The following GSTA2 variants were observed in gnomAD, a reference collection of about 807,000 sequenced individuals.
The protein encoded by GSTA2 is glutathione S-transferase alpha 2.
In GSTA2, 27 loss-of-function variants were observed where a neutral mutation model predicts 22.4. That is an observed-to-expected ratio of 1.21 (90% CI 0.89 to 1.67). The LOEUF (loss-of-function observed/expected upper bound fraction) is 1.67. Among genes scored for constraint, GSTA2 ranks in the 40% most tolerant of loss-of-function variants. GSTA2 has a pLI of 0.00. For missense variants in GSTA2, 302 were observed against 260.2 expected, an observed-to-expected ratio of 1.16 and a Z score of -1.11; for synonymous variants, 121 against 86.8, an observed-to-expected ratio of 1.39 and a Z score of -2.19.
At chr6:52,755,700 T>G (rs774946495) in intron 3 of GSTA2, among the ~76,000 whole-genome samples, 2 of 151,922 alleles carry the variant, frequency 1.3e-5, no homozygotes, top group African/African-American at 4.9e-5. Flanking sequence ...ACAATAGTAC[T>G]GGCAACAAGA....
At chr6:52,762,269 G>A (rs944105441) in intron 1 of GSTA2, among the ~76,000 whole-genome samples, 2 of 152,172 alleles carry the variant, frequency 1.3e-5, no homozygotes, top group African/African-American at 4.8e-5. Flanking sequence ...TGCTGAGGAG[G>A]ATTAGTAAAA....
At chr6:52,754,675 T>C (rs1762807381) in intron 4 of GSTA2, among the ~76,000 whole-genome samples, 2 of 152,262 alleles carry the variant, frequency 1.3e-5, no homozygotes, top group Admixed American at 1.3e-4. Context: ...TCCTCCTCAG[T>C]TCATTGGGTT....
chr6:52,753,824 T>C (rs1163533663), intron 4 of GSTA2, among the ~76,000 whole-genome samples: 1 of 152,230 alleles, frequency 6.6e-6, no homozygotes, highest in Non-Finnish European at 1.5e-5. Flanking sequence ...TGCAGAATTA[T>C]TTTTGTCACC....
At chr6:52,761,774 C>T (rs2749010) in intron 1 of GSTA2, among the ~76,000 whole-genome samples, 111,304 of 150,136 alleles carry the variant, frequency 0.74, 43,066 homozygotes, top group African/African-American at 0.94. Context: ...TTTTGGGTTG[C>T]TATATCTGCA....
intron 1 of GSTA2, among the ~76,000 whole-genome samples, chr6:52,761,793 G>A (rs1581777878): frequency 6.8e-6 from 1 of 147,000 alleles, no homozygotes. Flanking sequence ...CAGAGAGGGA[G>A]GGGGGCTACA....
At chr6:52,761,514 A>C (rs1023640694) in intron 1 of GSTA2, among the ~76,000 whole-genome samples, 2 of 150,932 alleles carry the variant, frequency 1.3e-5, no homozygotes, top group African/African-American at 4.8e-5. Context: ...ATCCAGACTT[A>C]TATCAAATCT....
At position 52,752,137 on chromosome 6, in the gene GSTA2, C is replaced by A. The variant is rs975225786; in HGVS notation, c.415-429G>T. Among the ~76,000 whole-genome samples the A allele has an allele frequency of 6.6e-5, 10 of 152,306 alleles. 1 individual carries two copies. In the Middle Eastern group the frequency reaches 0.014, roughly 207 times the overall value. On this transcript the variant is annotated intron_variant, in intron 5 of 6. Coordinates refer to ENST00000493422, the MANE Select transcript of GSTA2 (RefSeq NM_000846.5). ...CACCATCGTGACAACACTCTTCCCC[C>A]AGAAGGAGACTATTTCAGAGTCCTC...
In GSTA2 at chr6:52,757,942, T is replaced by C; in HGVS notation, c.6A>G (p.Ala2=). 6.2e-7 allele frequency: 1 copy of C among 1,612,800 alleles called. No individual in the cohort carries two copies. ...TGGAGTAGTGGAGCTTGGGCTTCTC[T>C]GCCATGGTAGCAGTCTCCTGGAGGT... M[A]EKPKLHYSNI... is the part of the protein sequence containing the mutation. The change falls in exon 2 of 7, where the codon GCA becomes GCG. Residue 2 remains alanine, a synonymous_variant. Transcript: ENST00000493422.
intron 1 of GSTA2, among the ~76,000 whole-genome samples, chr6:52,759,769 A>C (rs1762923102): frequency 6.6e-6 from 1 of 151,650 alleles, no homozygotes. Flanking sequence ...TTTTTAGTGA[A>C]GACAGGGTTT....
At position 52,751,580 on chromosome 6, in the gene GSTA2, C is replaced by T; in HGVS notation, c.543G>A (p.Leu181=). The change falls in exon 6 of 7, where the codon CTG becomes CTA. Residue 181 remains leucine, a synonymous_variant. Coordinates refer to ENST00000493422, the MANE Select transcript of GSTA2 (RefSeq NM_000846.5). ...DSSLISSFPL[L]KALKTRISNL... is the part of the protein sequence containing the mutation. ...TGAAGACTGTGAAATGGGTCACCTTCAGCAGAGGGAAGCTGGAAATAAGGC... is the reference window on the plus strand; with the variant it reads ...TGAAGACTGTGAAATGGGTCACCTTTAGCAGAGGGAAGCTGGAAATAAGGC... 5 of 1,614,058 alleles carry T rather than the reference C, an allele frequency of 3.1e-6. No individual in the cohort carries two copies. The highest frequency in any genetic ancestry group is 3.4e-6 in the Non-Finnish European group (4 of 1,179,952).
intron 1 of GSTA2, among the ~76,000 whole-genome samples, chr6:52,759,582 T>TG (rs1762916727): frequency 4.1e-5 from 5 of 122,090 alleles, no homozygotes; most frequent in African/African-American, 1.3e-4. Context: ...TTTTTTTTTT[T>TG]TTTTTTTTTT....
chr6:52,761,466 T>TCTCTATATTCTCACACTATTCA lies in GSTA2; in HGVS notation c.-31+1977_-31+1978insTGAATAGTGTGAGAATATAGAG, dbSNP rs1561898269. Among the ~76,000 whole-genome samples, 248 of 151,160 alleles carry TCTCTATATTCTCACACTATTCA rather than the reference T, an allele frequency of 1.6e-3. 29 individuals carry two copies. The highest frequency in any genetic ancestry group is 0.016 in the Admixed American group (227 of 14,154). ...TCCATTTCTCTGGTTCTCTATATTT[T>TCTCTATATTCTCACACTATTCA]GTCCGTAGAACTCTAGTAGGAATAA... On this transcript the variant is annotated intron_variant, in intron 1 of 6. Transcript: ENST00000493422.
rs115264224 is a variant in GSTA2 at position 52,753,985 on chromosome 6, T to C, written c.272+958A>G. ...TAAAATAATCCTATAATATGTGGCC[T>C]TCTGTGTCTCGTGTATTTTATGTAA... On this transcript the variant is annotated intron_variant, in intron 4 of 6. Transcript: ENST00000493422. Among the ~76,000 whole-genome samples the C allele has an allele frequency of 9.9e-3, 1,506 of 152,324 alleles. 19 individuals are homozygous for C. Among genetic ancestry groups the C allele is most frequent in the African/African-American group, 0.035 (1,438 of 41,562 alleles).
At position 52,751,241 on chromosome 6, in the gene GSTA2, A is replaced by G. The variant is rs559736390; in HGVS notation, c.546+336T>C. ...AAAGGGCTCTGCTCAGACTGACTCA[A>G]TGTGGGCACATATGGGATAAAGGAC... On this transcript the variant is annotated intron_variant, in intron 6 of 6. Coordinates refer to ENST00000493422, the MANE Select transcript of GSTA2 (RefSeq NM_000846.5). Among the ~76,000 whole-genome samples, 23 of 152,292 alleles carry G rather than the reference A, an allele frequency of 1.5e-4. No individual in the cohort carries two copies. The East Asian group carries it at 3.7e-3, about 24-fold the overall frequency.
At chr6:52,762,653 C>A (rs988794728) in intron 1 of GSTA2, among the ~76,000 whole-genome samples, 1 of 152,176 alleles carries the variant, frequency 6.6e-6, no homozygotes, top group African/African-American at 2.4e-5. Flanking sequence ...CTGGCGCCAG[C>A]GCAGGTCCTC....
intron 1 of GSTA2, among the ~76,000 whole-genome samples, chr6:52,760,613 C>T (rs1762935605): frequency 6.6e-6 from 1 of 152,202 alleles, no homozygotes; most frequent in Admixed American, 6.5e-5. Flanking sequence ...TCAGCCTGAA[C>T]TTCTGATTGC....
intron 5 of GSTA2, 112 bp from the exon 6 acceptor site, chr6:52,751,820 T>C: frequency 6.8e-7 from 1 of 1,479,144 alleles, no homozygotes; most frequent in Non-Finnish European, 9.4e-7. Context: ...CCTTACTGCA[T>C]GGATGCAGAA....
At chr6:52,759,563 G>GTTTTTTTTTTTTTTTTTTTTTTTTTT (rs70977382) in intron 1 of GSTA2, among the ~76,000 whole-genome samples, 1 of 34,164 alleles carries the variant, frequency 2.9e-5, no homozygotes, top group Non-Finnish European at 6.0e-5. Flanking sequence ...GTATTTATTT[G>GTTTTTTTTTTTTTTTTTTTTTTTTTT]TTTTTTTTTT....
chr6:52,761,585 A>T (rs1365127928), intron 1 of GSTA2, among the ~76,000 whole-genome samples: 3 of 150,490 alleles, frequency 2.0e-5, no homozygotes, highest in Non-Finnish European at 4.4e-5. Context: ...ACAGAGGTCA[A>T]TGATATTCAC....
Sources: allele counts gnomAD v4.1 joint callset (sites outside exome capture counted in the v4.1 genomes callset), GRCh38; gene constraint gnomAD v4.1.1; transcripts MANE v1.5; gene names NCBI Gene and HGNC (gene_info 2026-07-23, HGNC 2026-07-21).